The following MYO10 variants were observed in gnomAD, a reference collection of about 807,000 sequenced individuals.
MYO10 encodes myosin X.
MYO10 carries 133 observed loss-of-function variants against 257.3 expected under a neutral mutation model. The observed-to-expected ratio is 0.52, with a 90% confidence interval of 0.45 to 0.60. The LOEUF is 0.60. Among genes scored for constraint, MYO10 ranks in the 20% least tolerant of loss-of-function variants. The pLI is 0.00. For missense variants in MYO10, 2,399 were observed against 2,635.7 expected (o/e 0.91, Z 1.97); for synonymous variants, 1,104 against 1,028.6 (o/e 1.07, Z -1.40).
intron 22 of MYO10, 110 bp from the exon 23 acceptor site, chr5:16,703,268 G>A: frequency 1.3e-6 from 1 of 785,970 alleles, no homozygotes; most frequent in Non-Finnish European, 2.0e-6. Flanking sequence ...GTTTTAGAAT[G>A]AGACTCTCAT....
intron 1 of MYO10, among the ~76,000 whole-genome samples, chr5:16,892,646 C>CAAAA (rs1745091520): frequency 6.6e-6 from 1 of 151,496 alleles, no homozygotes; most frequent in African/African-American, 2.4e-5. Flanking sequence ...CTATCTCAAA[C>CAAAA]ACAAACAAAC....
intron 2 of MYO10, among the ~76,000 whole-genome samples, chr5:16,827,200 G>A (rs1202433400): frequency 6.6e-6 from 1 of 152,016 alleles, no homozygotes; most frequent in Non-Finnish European, 1.5e-5. Context: ...GCGTGCGGAG[G>A]AAAAAATAGC....
rs1405665341 is a variant in MYO10, at chr5:16,663,439, T to C, written c.*3253A>G. On this transcript the variant is annotated 3_prime_UTR_variant, in exon 41 of 41. Transcript: ENST00000513610. Reference sequence around the variant, plus strand: ...AATACTAGATTGTCAGCGTCTGAAGTGATAAAATACTTTATGCTGGTGCCT... The same window carrying C: ...AATACTAGATTGTCAGCGTCTGAAGCGATAAAATACTTTATGCTGGTGCCT... The C allele has an allele frequency of 6.7e-6, 1 of 149,150 alleles. No individual in the cohort carries two copies. 9.2% of individuals were successfully genotyped at this position (149,150 alleles called of 1,614,324 possible).
At chr5:16,837,717 T>G (rs1743354566) in intron 2 of MYO10, among the ~76,000 whole-genome samples, 1 of 152,162 alleles carries the variant, frequency 6.6e-6, no homozygotes, top group Non-Finnish European at 1.5e-5. Flanking sequence ...GTCTGATATA[T>G]GCTGGTGCCT....
chr5:16,764,399 G>C lies in MYO10; in HGVS notation c.1180-3C>G. The C allele has an allele frequency of 6.2e-7, 1 of 1,613,672 alleles. No homozygotes were observed. Among genetic ancestry groups the C allele is most frequent in the South Asian group, 1.1e-5 (1 of 91,020 alleles). ...AGGGAGTCCCTGCTGTCTACTGCCT[G>C]TGGGAGAGAAACCAGCACAGACTCA... On this transcript the variant is annotated splice_polypyrimidine_tract_variant and splice_region_variant and intron_variant, in intron 11 of 40. Transcript: ENST00000513610.
chr5:16,668,082 A>C (rs1736259887), intron 40 of MYO10, among the ~76,000 whole-genome samples, 195 bp downstream of exon 40: 1 of 152,070 alleles, frequency 6.6e-6, no homozygotes, highest in Non-Finnish European at 1.5e-5. Flanking sequence ...AAAAGTATAC[A>C]AAAAAAATAT....
intron 2 of MYO10, among the ~76,000 whole-genome samples, chr5:16,837,525 GAAAGTGTTCTA>G (rs1743350547): frequency 6.6e-6 from 1 of 152,134 alleles, no homozygotes; most frequent in African/African-American, 2.4e-5. Context: ...TCGGGGTGAT[GAAAGTGTTCTA>G]AATTTGACTG....
At chr5:16,915,195 T>C (rs1419670801) in intron 1 of MYO10, among the ~76,000 whole-genome samples, 1 of 152,098 alleles carries the variant, frequency 6.6e-6, no homozygotes, top group Non-Finnish European at 1.5e-5. Context: ...AGGTATATAG[T>C]GCAAGACAAA....
intron 14 of MYO10, 73 bp from the exon 15 acceptor site, chr5:16,762,710 T>G: frequency 8.6e-7 from 1 of 1,163,552 alleles, no homozygotes; most frequent in Admixed American, 2.1e-5. Context: ...ATGCCTGTAA[T>G]TCCAGCACTT....
At chr5:16,772,226 G>T (rs1038121176) in intron 9 of MYO10, among the ~76,000 whole-genome samples, 1 of 151,070 alleles carries the variant, frequency 6.6e-6, no homozygotes, top group Non-Finnish European at 1.5e-5. Context: ...TCCGCCTTCC[G>T]GGTTCAAGTG....
At position 16,824,039 on chromosome 5, in the gene MYO10, T is replaced by C. The variant is rs75879729; in HGVS notation, c.121-5872A>G. Among the ~76,000 whole-genome samples the C allele has an allele frequency of 2.3e-3, 343 of 152,250 alleles. 1 individual carries two copies. Among genetic ancestry groups the C allele is most frequent in the African/African-American group, 7.8e-3 (325 of 41,556 alleles). ...ACCGCTGGTAACATGGTGAACTGGA[T>C]TGGCGTGGGGGCAGAACAAAGGAAA... On this transcript the variant is annotated intron_variant, in intron 2 of 40. Transcript: ENST00000513610.
rs374975446 is a variant in MYO10, at chr5:16,818,146, T to G, written c.142A>C (p.Thr48Pro). The G allele has an allele frequency of 1.4e-5, 23 of 1,594,490 alleles. No homozygotes were observed. Among genetic ancestry groups the G allele is most frequent in the Non-Finnish European group, 1.9e-5 (22 of 1,166,160 alleles). The change falls in exon 3 of 41, where the codon ACA becomes CCA. Residue 48 changes from threonine (T) to proline (P), a missense_variant. By Grantham distance (38) the Thr-to-Pro change is conservative. Coordinates refer to ENST00000513610, the MANE Select transcript of MYO10 (RefSeq NM_012334.3). Reference sequence around the variant, plus strand: ...GCAGTCACCTTCTGGTGGGTAATTGTGCTCTGCTTGTAAGTGAATACCTGA... The same window carrying G: ...GCAGTCACCTTCTGGTGGGTAATTGGGCTCTGCTTGTAAGTGAATACCTGA... ...YGQVFTYKQS[T>P]ITHQKVTAMH...
intron 26 of MYO10, among the ~76,000 whole-genome samples, chr5:16,696,413 T>G (rs1437492368): frequency 6.6e-6 from 1 of 152,244 alleles, no homozygotes; most frequent in Admixed American, 6.5e-5. Flanking sequence ...AATTAAAGTT[T>G]TATTAAGTAT....
chr5:16,683,474 C>T (rs768300359), intron 30 of MYO10, among the ~76,000 whole-genome samples: 3 of 152,196 alleles, frequency 2.0e-5, no homozygotes, highest in Non-Finnish European at 4.4e-5. Context: ...TCTACATATA[C>T]ATTATCATCA....
intron 9 of MYO10, among the ~76,000 whole-genome samples, chr5:16,775,881 T>C (rs532084061): frequency 6.6e-6 from 1 of 151,130 alleles, no homozygotes; most frequent in African/African-American, 2.4e-5. Flanking sequence ...ATTATAGGCA[T>C]GACCCAATTC....
intron 2 of MYO10, among the ~76,000 whole-genome samples, chr5:16,833,838 A>G (rs970013543): frequency 6.6e-6 from 1 of 152,170 alleles, no homozygotes; most frequent in Admixed American, 6.5e-5. Context: ...GCACATAAGT[A>G]TTGTACACAT....
chr5:16,784,221 T>A (rs1284029358), intron 4 of MYO10, among the ~76,000 whole-genome samples: 1 of 152,180 alleles, frequency 6.6e-6, no homozygotes. Flanking sequence ...AAGATTCTTA[T>A]GGGAGAATGA....
intron 1 of MYO10, among the ~76,000 whole-genome samples, chr5:16,935,217 T>C (rs963612257): frequency 2.0e-5 from 3 of 152,128 alleles, no homozygotes; most frequent in Non-Finnish European, 4.4e-5. Flanking sequence ...ACATGATCAT[T>C]TGATCCCAGG....
At chr5:16,694,667 G>A (rs748913824) in intron 26 of MYO10, 53 bp from the exon 27 acceptor site, 194 of 1,601,056 alleles carry the variant, frequency 1.2e-4, no homozygotes, top group Admixed American at 2.0e-4. Context: ...CAGTCAAGTT[G>A]GATGACAACA....
Sources: allele counts gnomAD v4.1 joint callset (sites outside exome capture counted in the v4.1 genomes callset), GRCh38; gene constraint gnomAD v4.1.1; transcripts MANE v1.5; gene names NCBI Gene and HGNC (gene_info 2026-07-23, HGNC 2026-07-21).